The following DCDC2 variants were observed in gnomAD, a reference collection of about 807,000 sequenced individuals.
The protein encoded by DCDC2 is doublecortin domain-containing protein 2.
Under a neutral mutation model 50.2 loss-of-function variants are expected in DCDC2, and 40 were observed. The ratio of observed to expected loss-of-function variants is 0.80; its 90% CI spans 0.62 to 1.04. The LOEUF (loss-of-function observed/expected upper bound fraction) is 1.04. Among genes scored for constraint, DCDC2 ranks in the 50% least tolerant of loss-of-function variants. DCDC2 has a pLI of 0.00. For synonymous variants in DCDC2, 234 were observed against 210.6 expected, an observed-to-expected ratio of 1.11 and a Z score of -0.96; for missense variants, 570 against 581.9, an observed-to-expected ratio of 0.98 and a Z score of 0.21.
intron 8 of DCDC2, among the ~76,000 whole-genome samples, chr6:24,188,438 G>T (rs760997546): frequency 2.0e-5 from 3 of 151,998 alleles, no homozygotes; most frequent in Non-Finnish European, 2.9e-5. Flanking sequence ...CATAAAGACA[G>T]TTCTACAAGA....
At chr6:24,346,039 C>T (rs990561678) in intron 2 of DCDC2, among the ~76,000 whole-genome samples, 2 of 151,066 alleles carry the variant, frequency 1.3e-5, no homozygotes, top group Non-Finnish European at 2.9e-5. Context: ...ATTAGCCAGG[C>T]GTGGTGGCAC....
chr6:24,222,635 G>C (rs890382248), intron 7 of DCDC2, among the ~76,000 whole-genome samples: 8 of 152,072 alleles, frequency 5.3e-5, no homozygotes, highest in African/African-American at 1.9e-4. Flanking sequence ...TAAAAGCAAG[G>C]GGTTTAATTT....
intron 2 of DCDC2, among the ~76,000 whole-genome samples, chr6:24,317,640 T>A (rs897802667): frequency 1.3e-5 from 2 of 151,988 alleles, no homozygotes; most frequent in African/African-American, 4.8e-5. Flanking sequence ...CTGGATAAAT[T>A]TGACTAACAT....
chr6:24,323,750 C>A (rs770879480), intron 2 of DCDC2, among the ~76,000 whole-genome samples: 7 of 152,196 alleles, frequency 4.6e-5, no homozygotes, highest in Non-Finnish European at 1.0e-4. Flanking sequence ...GCAACAATCT[C>A]CATCTGTAAC....
At chr6:24,216,544 T>A (rs571696328) in intron 7 of DCDC2, among the ~76,000 whole-genome samples, 2 of 152,176 alleles carry the variant, frequency 1.3e-5, no homozygotes, top group Non-Finnish European at 2.9e-5. Flanking sequence ...GACGACTCTT[T>A]CAAGATGATT....
chr6:24,250,359 C>G (rs1249235716), intron 7 of DCDC2, among the ~76,000 whole-genome samples: 1 of 152,186 alleles, frequency 6.6e-6, no homozygotes, highest in Non-Finnish European at 1.5e-5. Context: ...GTCATAGGCT[C>G]TCATCTGTGG....
chr6:24,265,806 T>TAAA (rs879470177), intron 7 of DCDC2, among the ~76,000 whole-genome samples: 15 of 134,488 alleles, frequency 1.1e-4, no homozygotes, highest in East Asian at 2.1e-4. Context: ...ATCAAAAAAG[T>TAAA]AAAAAAAAAA....
rs1158178783 is a variant in DCDC2 at position 24,252,350 on chromosome 6, A to G, written c.922+25699T>C. Among the ~76,000 whole-genome samples the G allele has an allele frequency of 4.6e-5, 7 of 152,300 alleles. No individual in the cohort carries two copies. The East Asian group carries it at 1.4e-3, about 29-fold the overall frequency. On this transcript the variant is annotated intron_variant, in intron 7 of 9. Coordinates refer to ENST00000378454, the MANE Select transcript of DCDC2 (RefSeq NM_016356.5). ...TGAGTGAACAATGTCAGGAATTTCTAAAGTCCCACAACATGTGCTAATGAA... is the reference window on the plus strand; with the variant it reads ...TGAGTGAACAATGTCAGGAATTTCTGAAGTCCCACAACATGTGCTAATGAA...
At chr6:24,267,984 A>G (rs1017736869) in intron 7 of DCDC2, among the ~76,000 whole-genome samples, 4 of 152,156 alleles carry the variant, frequency 2.6e-5, no homozygotes, top group African/African-American at 9.7e-5. Context: ...GAGTACCCCA[A>G]CGCTTCTCAA....
chr6:24,279,476 G>A (rs1763425625), intron 6 of DCDC2, among the ~76,000 whole-genome samples: 1 of 152,138 alleles, frequency 6.6e-6, no homozygotes, highest in African/African-American at 2.4e-5. Context: ...AGCTACTCAA[G>A]AGGCTGACAC....
At chr6:24,355,647 TAA>T (rs1760453606) in intron 1 of DCDC2, among the ~76,000 whole-genome samples, 1 of 152,220 alleles carries the variant, frequency 6.6e-6, no homozygotes, top group Admixed American at 6.5e-5. Context: ...CTCCTGGTTT[TAA>T]GTTTCCTTTA....
chr6:24,226,661 G>A (rs941336686), intron 7 of DCDC2, among the ~76,000 whole-genome samples: 1 of 152,314 alleles, frequency 6.6e-6, no homozygotes, highest in Non-Finnish European at 1.5e-5. Flanking sequence ...CCCTTAAGCA[G>A]GAATGCTCAT....
chr6:24,376,773 G>A, the DCDC2 span, among the ~76,000 whole-genome samples: 215 of 73,560 alleles, frequency 2.9e-3, no homozygotes, highest in Middle Eastern at 8.6e-3. Context: ...AATAATGCTA[G>A]AAAAAAAAAG....
intron 4 of DCDC2, among the ~76,000 whole-genome samples, chr6:24,295,339 T>C (rs556256377): frequency 6.6e-6 from 1 of 152,318 alleles, no homozygotes; most frequent in African/African-American, 2.4e-5. Flanking sequence ...GAGCCATCTA[T>C]GAGAAACCCA....
rs1377905851 is a variant in DCDC2, at chr6:24,357,450, C to G, written c.293+8G>C. 2 of 1,589,228 alleles carry G rather than the reference C, an allele frequency of 1.3e-6. No individual in the cohort carries two copies. The highest frequency in any genetic ancestry group is 2.7e-5 in the African/African-American group (2 of 74,470). ...TAAATGGGTGGGCGGTGGGGGAGAC[C>G]GACTCACTTGAGTTTCTTGAAGGCT... On this transcript the variant is annotated splice_region_variant and intron_variant, in intron 1 of 9. Coordinates refer to ENST00000378454, the MANE Select transcript of DCDC2 (RefSeq NM_016356.5).
intron 7 of DCDC2, among the ~76,000 whole-genome samples, chr6:24,239,654 C>T (rs1561902784): frequency 6.6e-6 from 1 of 152,160 alleles, no homozygotes; most frequent in Non-Finnish European, 1.5e-5. Context: ...GGAAAGTTCT[C>T]TTTACTCTCA....
intron 8 of DCDC2, among the ~76,000 whole-genome samples, chr6:24,203,199 C>G (rs1314505887): frequency 6.6e-6 from 1 of 152,158 alleles, no homozygotes; most frequent in South Asian, 2.1e-4. Flanking sequence ...GCAAAAGGAA[C>G]AAAGCTGGAG....
At position 24,353,727 on chromosome 6, in the gene DCDC2, T is replaced by C. The variant is rs953057508; in HGVS notation, c.294-104A>G. On this transcript the variant is annotated intron_variant, in intron 1 of 9. Coordinates refer to ENST00000378454, the MANE Select transcript of DCDC2 (RefSeq NM_016356.5). ...AAATAAAGCAACTCATAGGAAATTC[T>C]CAACCTTAAAGCAAAAACAAATAGC... 5.8e-6 allele frequency: 4 copies of C among 693,898 alleles called. No individual in the cohort carries two copies. The African/African-American group carries it at 7.3e-5, about 13-fold the overall frequency. The allele number at this position is 693,898 out of a possible 1,614,324, so 43.0% of individuals were successfully genotyped here.
intron 1 of DCDC2, among the ~76,000 whole-genome samples, chr6:24,355,174 T>C (rs979953922): frequency 1.3e-5 from 2 of 152,288 alleles, no homozygotes. Context: ...GACACTGTTA[T>C]AACAAATTCA....
Sources: allele counts gnomAD v4.1 joint callset (sites outside exome capture counted in the v4.1 genomes callset), GRCh38; gene constraint gnomAD v4.1.1; transcripts MANE v1.5; gene names NCBI Gene and HGNC (gene_info 2026-07-23, HGNC 2026-07-21).